Variants in PRPF31 observed in about 807,000 individuals in gnomAD.
PRPF31 encodes pre-mRNA processing factor 31, also known as U4/U6 small nuclear ribonucleoprotein Prp31.
Under a neutral mutation model 60.4 loss-of-function variants are expected in PRPF31, and 12 were observed. The observed-to-expected ratio is 0.20, with a 90% CI of 0.13 to 0.32. The LOEUF is 0.32. Among genes scored for constraint, PRPF31 ranks in the 10% least tolerant of loss-of-function variants. The pLI is 1.00. For missense variants in PRPF31, 431 were observed against 687.1 expected, an observed-to-expected ratio of 0.63 and a Z score of 4.17; for synonymous variants, 287 against 287.9, an observed-to-expected ratio of 1.00 and a Z score of 0.03.
rs144815141 is a variant in PRPF31, at chr19:54,127,877, A to G, written c.946-196A>G. On this transcript the variant is annotated intron_variant, in intron 9 of 13. Coordinates refer to ENST00000321030, the MANE Select transcript of PRPF31 (RefSeq NM_015629.4). ...CTTGTTGGGGCCGGGTCAAAGAGAC[A>G]GTCAACAGGTGAACTCTGTCCTGCG... Among the ~76,000 whole-genome samples, 545 of 152,366 alleles carry G rather than the reference A, an allele frequency of 3.6e-3. 2 individuals carry two copies. Among genetic ancestry groups the G allele is most frequent in the Non-Finnish European group, 5.8e-3 (394 of 68,036 alleles).
intron 5 of PRPF31, 35 bp downstream of exon 5, chr19:54,122,629 G>C (rs745763860): frequency 1.0e-5 from 16 of 1,553,370 alleles, no homozygotes; most frequent in South Asian, 2.2e-5. Context: ...TTCTGCTGGC[G>C]TGAAGGGGCA....
chr19:54,131,693 A>C lies in PRPF31; in HGVS notation c.*261A>C. On this transcript the variant is annotated 3_prime_UTR_variant, in exon 14 of 14. Transcript: ENST00000321030. ...AAGGAGATTTTTTGAAAAGAGTACA[A>C]TTAAAAGGACATTGTCAAGATCTGT... The C allele has an allele frequency of 1.7e-6, 1 of 576,602 alleles. No homozygotes were observed. Among genetic ancestry groups the C allele is most frequent in the Non-Finnish European group, 3.1e-6 (1 of 322,744 alleles). The allele number at this position is 576,602 out of a possible 1,614,324, so 35.7% of individuals were successfully genotyped here.
chr19:54,131,613 C>T lies in PRPF31; in HGVS notation c.*181C>T, dbSNP rs1600369171. ...TGGCCTCCCCCAGGACCGAGATCACCGCCCAGTATGGGCTAGAGCAGGTCT... is the reference window on the plus strand; with the variant it reads ...TGGCCTCCCCCAGGACCGAGATCACTGCCCAGTATGGGCTAGAGCAGGTCT... On this transcript the variant is annotated 3_prime_UTR_variant, in exon 14 of 14. Coordinates refer to ENST00000321030, the MANE Select transcript of PRPF31 (RefSeq NM_015629.4). The T allele has an allele frequency of 1.9e-5, 16 of 862,562 alleles. No homozygotes were observed. The highest frequency in any genetic ancestry group is 3.4e-5 in the African/African-American group (2 of 59,684). The allele number at this position is 862,562 out of a possible 1,614,324, so 53.4% of individuals were successfully genotyped here. A position where few individuals can be genotyped will look rare whatever the true frequency, so the allele number is the denominator to read the frequency against.
chr19:54,123,951 G>T (rs2073858154), intron 7 of PRPF31, 33 bp downstream of exon 7: 5 of 1,611,462 alleles, frequency 3.1e-6, no homozygotes, highest in East Asian at 2.2e-5. Flanking sequence ...ATGGAGCGGG[G>T]GTCTGCTGAC....
intron 13 of PRPF31, among the ~76,000 whole-genome samples, chr19:54,130,580 G>A (rs1480874790): frequency 4.6e-5 from 7 of 151,536 alleles, no homozygotes; most frequent in East Asian, 1.9e-4. Context: ...AGCCGAGATC[G>A]CGCCACTGCA....
intron 1 of PRPF31, among the ~76,000 whole-genome samples, chr19:54,116,416 G>A (rs373577203): frequency 5.2e-4 from 79 of 152,062 alleles, no homozygotes; most frequent in African/African-American, 1.7e-3. Context: ...ATGTTGGCCA[G>A]GCTGGTCTCC....
intron 11 of PRPF31, 106 bp downstream of exon 11, chr19:54,128,483 C>A: frequency 4.3e-6 from 5 of 1,174,338 alleles, no homozygotes; most frequent in Non-Finnish European, 6.2e-6. Context: ...TGGCTCATGT[C>A]TAGGGCGCTG....
chr19:54,131,405 C>T lies in PRPF31; in HGVS notation c.1473C>T (p.Gly491=), dbSNP rs375254686. Residue 491 remains glycine, a synonymous_variant, in exon 14 of 14, where the codon GGC becomes GGT. Coordinates refer to ENST00000321030, the MANE Select transcript of PRPF31 (RefSeq NM_015629.4). ...SSMAEFLKVK[G]EKSGLMST Reference sequence around the variant, plus strand: ...TGGCTGAGTTCCTCAAGGTCAAGGGCGAGAAGAGTGGCCTTATGTCCACCT... The same window carrying T: ...TGGCTGAGTTCCTCAAGGTCAAGGGTGAGAAGAGTGGCCTTATGTCCACCT... 24 of 1,614,098 alleles carry T rather than the reference C, an allele frequency of 1.5e-5. No individual in the cohort carries two copies. The Middle Eastern group carries it at 4.9e-4, about 33-fold the overall frequency.
chr19:54,118,729 C>T (rs2073713248), intron 3 of PRPF31, 96 bp downstream of exon 3: 4 of 1,202,276 alleles, frequency 3.3e-6, no homozygotes, highest in Middle Eastern at 2.3e-4. Context: ...ATCTCCTTCT[C>T]AGCCTTTTCC....
intron 8 of PRPF31, chr19:54,124,887 C>G: frequency 1.6e-6 from 1 of 607,112 alleles, no homozygotes; most frequent in African/African-American, 1.8e-5. Context: ...TCAGTCTCCT[C>G]CCCTATCAAA....
intron 3 of PRPF31, 41 bp downstream of exon 3, chr19:54,118,674 C>G: frequency 1.2e-6 from 2 of 1,603,098 alleles, no homozygotes; most frequent in Non-Finnish European, 1.7e-6. Context: ...TCTCCTGTCT[C>G]TCCTGCCAGG....
intron 7 of PRPF31, 197 bp from the exon 8 acceptor site, chr19:54,124,302 C>G: frequency 4.6e-6 from 3 of 657,976 alleles, no homozygotes; most frequent in South Asian, 1.8e-5. Context: ...GCCAGCTGCC[C>G]TCCCTCTCTG....
In PRPF31 at chr19:54,122,609, G is replaced by T; in HGVS notation, c.420+15G>T. 6.2e-7 allele frequency: 1 copy of T among 1,608,258 alleles called. No individual in the cohort carries two copies. Among genetic ancestry groups the T allele is most frequent in the South Asian group, 1.1e-5 (1 of 90,934 alleles). ...GCACGGTCAAGGTGAGCGCAGAGAA[G>T]GTGGGGTGCTTCTGCTGGCGTGAAG... On this transcript the variant is annotated intron_variant, in intron 5 of 13. Transcript: ENST00000321030.
chr19:54,121,851 T>A lies in PRPF31; in HGVS notation c.239-9T>A. 1 of 1,607,732 alleles carries A rather than the reference T, an allele frequency of 6.2e-7. No individual in the cohort carries two copies. Among genetic ancestry groups the A allele is most frequent in the African/African-American group, 1.3e-5 (1 of 74,958 alleles). On this transcript the variant is annotated splice_polypyrimidine_tract_variant and intron_variant, in intron 3 of 13. Coordinates refer to ENST00000321030, the MANE Select transcript of PRPF31 (RefSeq NM_015629.4). Reference sequence around the variant, plus strand: ...AGATACTCACACCCATGCCTCCGTGTCCTCACAGTGATGGGACCAGTGGAG... The same window carrying A: ...AGATACTCACACCCATGCCTCCGTGACCTCACAGTGATGGGACCAGTGGAG...
At chr19:54,124,441 C>A (rs759545394) in intron 7 of PRPF31, 58 bp from the exon 8 acceptor site, 172 of 1,418,580 alleles carry the variant, frequency 1.2e-4, no homozygotes, top group Non-Finnish European at 1.7e-4. Flanking sequence ...GATTTACTCA[C>A]CCCCACCTCT....
chr19:54,127,908 C>T (rs1568597121), intron 9 of PRPF31, among the ~76,000 whole-genome samples, 165 bp from the exon 10 acceptor site: 1 of 152,190 alleles, frequency 6.6e-6, no homozygotes, highest in African/African-American at 2.4e-5. Flanking sequence ...CTGCGTCTAG[C>T]GGTGCTAAGT....
intron 9 of PRPF31, 88 bp downstream of exon 9, chr19:54,126,705 C>T (rs913681860): frequency 1.2e-5 from 16 of 1,288,412 alleles, no homozygotes; most frequent in Admixed American, 2.0e-5. Context: ...AGGGAGCCCA[C>T]CCCAGCGAGC....
intron 5 of PRPF31, chr19:54,123,211 G>A (rs182213356): frequency 2.5e-5 from 15 of 595,386 alleles, no homozygotes; most frequent in East Asian, 1.4e-4. Context: ...CTTTCCAGAC[G>A]CCACTCTGCC....
chr19:54,128,040 G>A (rs1473853024), intron 9 of PRPF31, 33 bp from the exon 10 acceptor site: 1 of 1,548,294 alleles, frequency 6.5e-7, no homozygotes, highest in East Asian at 2.4e-5. Flanking sequence ...GCCCACGCGA[G>A]CAGCTGCAGG....
Sources: gnomAD v4.1 joint callset for allele counts (sites outside exome capture counted in the v4.1 genomes callset) on GRCh38, gnomAD v4.1.1 for gene constraint, MANE v1.5 for transcripts, NCBI Gene and HGNC (gene_info 2026-07-23, HGNC 2026-07-21) for gene names.